The following MAML2 variants were observed in gnomAD, a reference collection of about 807,000 sequenced individuals.
The protein encoded by MAML2 is mastermind-like protein 2.
MAML2 carries 22 observed loss-of-function variants against 96.1 expected under a neutral mutation model. The observed-to-expected ratio is 0.23, with a 90% CI of 0.16 to 0.33. The LOEUF (loss-of-function observed/expected upper bound fraction) is 0.33. Ranked by LOEUF, MAML2 falls within the 10% of genes least tolerant of loss-of-function variation. The pLI is 1.00. For synonymous variants in MAML2, 561 were observed against 521.3 expected (o/e 1.08, Z -1.04); for missense variants, 1,367 against 1,392.4 (o/e 0.98, Z 0.29).
At chr11:96,297,769 G>A (rs938762760) in intron 1 of MAML2, among the ~76,000 whole-genome samples, 4 of 151,932 alleles carry the variant, frequency 2.6e-5, no homozygotes, top group Non-Finnish European at 4.4e-5. Context: ...TCCCTACATT[G>A]TTCTTGCTGC....
At chr11:96,195,746 G>A (rs1265622903) in intron 1 of MAML2, among the ~76,000 whole-genome samples, 2 of 152,318 alleles carry the variant, frequency 1.3e-5, no homozygotes, top group Admixed American at 1.3e-4. Flanking sequence ...TTGGTCAAAA[G>A]GCAAGGGCCA....
intron 2 of MAML2, among the ~76,000 whole-genome samples, chr11:96,082,796 C>T (rs1403840778): frequency 2.0e-5 from 3 of 152,088 alleles, no homozygotes; most frequent in Admixed American, 1.3e-4. Flanking sequence ...TATCAAAGCA[C>T]GAAGGCAGCA....
intron 1 of MAML2, among the ~76,000 whole-genome samples, chr11:96,263,879 C>A (rs1468093169): frequency 1.3e-5 from 2 of 152,204 alleles, no homozygotes; most frequent in Non-Finnish European, 2.9e-5. Context: ...GTGCATGTCA[C>A]CATCTTCCTG....
intron 1 of MAML2, among the ~76,000 whole-genome samples, chr11:96,222,703 C>T (rs1862158205): frequency 6.6e-6 from 1 of 152,078 alleles, no homozygotes; most frequent in South Asian, 2.1e-4. Flanking sequence ...CATATCGTGG[C>T]CAAAGAACAT....
intron 2 of MAML2, among the ~76,000 whole-genome samples, chr11:96,025,068 C>T (rs1473510966): frequency 1.3e-5 from 2 of 152,102 alleles, no homozygotes; most frequent in Non-Finnish European, 2.9e-5. Flanking sequence ...AAAAGAAAAG[C>T]AACCGTTCCA....
Position 96,155,541 on chromosome 11 carries a change from T to C in MAML2, c.514-62024A>G, listed in dbSNP as rs1196192677. ...ATATATATATATATATATATATATA[T>C]ATATATATATGAGGAAAGTCTCTGG... On this transcript the variant is annotated intron_variant, in intron 1 of 4. Coordinates refer to ENST00000524717, the MANE Select transcript of MAML2 (RefSeq NM_032427.4). Among the ~76,000 whole-genome samples the C allele has an allele frequency of 3.1e-4, 32 of 102,354 alleles. 6 individuals are homozygous for C. The highest frequency in any genetic ancestry group is 2.3e-4 in the Non-Finnish European group (11 of 48,296). 67.1% of individuals were successfully genotyped at this position (102,354 alleles called of 152,430 possible). A position where few individuals can be genotyped will look rare whatever the true frequency, so the allele number is the denominator to read the frequency against.
intron 1 of MAML2, among the ~76,000 whole-genome samples, chr11:96,173,865 T>C (rs1013962950): frequency 2.0e-5 from 3 of 152,242 alleles, no homozygotes; most frequent in Non-Finnish European, 2.9e-5. Context: ...GCAAAAGATA[T>C]GTACTATTGT....
At chr11:96,264,335 T>G (rs1461447739) in intron 1 of MAML2, among the ~76,000 whole-genome samples, 1 of 152,230 alleles carries the variant, frequency 6.6e-6, no homozygotes, top group Non-Finnish European at 1.5e-5. Flanking sequence ...CCCTGACTTT[T>G]GCATGCTGCT....
intron 1 of MAML2, among the ~76,000 whole-genome samples, chr11:96,179,745 C>A (rs1412180459): frequency 6.6e-6 from 1 of 152,242 alleles, no homozygotes; most frequent in African/African-American, 2.4e-5. Flanking sequence ...ATGCTGCTTT[C>A]CCCTCCAACT....
intron 2 of MAML2, among the ~76,000 whole-genome samples, chr11:95,999,687 C>T (rs1407015792): frequency 6.6e-6 from 1 of 151,952 alleles, no homozygotes; most frequent in Non-Finnish European, 1.5e-5. Flanking sequence ...ATGATTTTCC[C>T]CCCACAAAAA....
chr11:96,041,885 A>AGCAACCTCC (rs1565197243), intron 2 of MAML2, among the ~76,000 whole-genome samples: 1 of 150,270 alleles, frequency 6.7e-6, no homozygotes, highest in Non-Finnish European at 1.5e-5. Flanking sequence ...CTCGGCTCAT[A>AGCAACCTCC]GCAACCTCCG....
At chr11:96,155,523 T>C (rs1330139510) in intron 1 of MAML2, among the ~76,000 whole-genome samples, 17 of 58,780 alleles carry the variant, frequency 2.9e-4, no homozygotes, top group Middle Eastern at 7.1e-3. Flanking sequence ...TATATATATA[T>C]ATATATATAT....
intron 2 of MAML2, among the ~76,000 whole-genome samples, chr11:96,018,925 G>T (rs1858396136): frequency 6.6e-6 from 1 of 152,198 alleles, no homozygotes; most frequent in Non-Finnish European, 1.5e-5. Context: ...TGGCAATGTA[G>T]ATATCACTAA....
At chr11:96,044,480 T>C (rs749182959) in intron 2 of MAML2, among the ~76,000 whole-genome samples, 11 of 152,190 alleles carry the variant, frequency 7.2e-5, no homozygotes, top group Non-Finnish European at 1.5e-4. Flanking sequence ...ATTGAGTATA[T>C]ATTATGTCCC....
rs143929619 is a variant in MAML2, at chr11:95,985,939, G to A, written c.2344-297C>T. Among the ~76,000 whole-genome samples the A allele has an allele frequency of 4.5e-4, 69 of 152,182 alleles. 1 individual carries two copies. Among genetic ancestry groups the A allele is most frequent in the Middle Eastern group, 6.8e-3 (2 of 294 alleles). On this transcript the variant is annotated intron_variant, in intron 3 of 4. Coordinates refer to ENST00000524717, the MANE Select transcript of MAML2 (RefSeq NM_032427.4). ...CAATTTCAATGAGAACTAAATTTCTGTGATTTTTCAAGATGCTAATTTCTA... is the reference window on the plus strand; with the variant it reads ...CAATTTCAATGAGAACTAAATTTCTATGATTTTTCAAGATGCTAATTTCTA...
chr11:96,031,250 G>C (rs1244341882), intron 2 of MAML2, among the ~76,000 whole-genome samples: 2 of 152,010 alleles, frequency 1.3e-5, no homozygotes, highest in Non-Finnish European at 2.9e-5. Flanking sequence ...TTTTCTCACT[G>C]GATACCAGGT....
chr11:96,314,053 T>G (rs763514957), intron 1 of MAML2, among the ~76,000 whole-genome samples: 4 of 152,202 alleles, frequency 2.6e-5, no homozygotes, highest in African/African-American at 4.8e-5. Context: ...ATAGGGTCTT[T>G]GGGAGAGGGC....
chr11:96,123,860 G>A (rs893226304), intron 1 of MAML2, among the ~76,000 whole-genome samples: 1 of 151,992 alleles, frequency 6.6e-6, no homozygotes, highest in African/African-American at 2.4e-5. Flanking sequence ...GATCACCTGA[G>A]GTCAGGAGTT....
intron 1 of MAML2, among the ~76,000 whole-genome samples, chr11:96,255,998 C>T (rs1565264320): frequency 1.3e-5 from 2 of 151,376 alleles, no homozygotes; most frequent in Non-Finnish European, 2.9e-5. Flanking sequence ...CTCAGCTTCC[C>T]GAGTAGCTGG....
Sources: gnomAD v4.1 joint callset for allele counts (sites outside exome capture counted in the v4.1 genomes callset) on GRCh38, gnomAD v4.1.1 for gene constraint, MANE v1.5 for transcripts, NCBI Gene and HGNC (gene_info 2026-07-23, HGNC 2026-07-21) for gene names.